Variants in PTPN13 observed in about 807,000 individuals in gnomAD.
PTPN13 encodes protein tyrosine phosphatase non-receptor type 13.
A neutral mutation model predicts 284.0 loss-of-function variants in PTPN13; 191 were observed. That is an observed-to-expected ratio of 0.67 (90% CI 0.60 to 0.76). PTPN13 has a LOEUF of 0.76. PTPN13 is among the 30% of genes least tolerant of loss of function. The pLI is 0.00. For synonymous variants in PTPN13, 986 were observed against 1,022.3 expected (o/e 0.96, Z 0.68); for missense variants, 2,797 against 2,939.9 (o/e 0.95, Z 1.12).
chr4:86,608,946 G>A (rs1194706231), intron 1 of PTPN13, among the ~76,000 whole-genome samples: 1 of 152,098 alleles, frequency 6.6e-6, no homozygotes, highest in Non-Finnish European at 1.5e-5. Flanking sequence ...CTTCTCCTTT[G>A]AATTGACTCT....
chr4:86,635,039 C>T (rs1045546786), intron 1 of PTPN13, among the ~76,000 whole-genome samples: 4 of 152,090 alleles, frequency 2.6e-5, no homozygotes, highest in Non-Finnish European at 5.9e-5. Context: ...TGAAGTTGAC[C>T]GTGTTGGGCT....
chr4:86,688,900 G>A (rs1329267056), intron 4 of PTPN13, 105 bp from the exon 5 acceptor site: 6 of 786,096 alleles, frequency 7.6e-6, no homozygotes, highest in Admixed American at 5.4e-5. Flanking sequence ...CCAAGTATGT[G>A]AAGTGTGTTT....
Position 86,771,152 on chromosome 4 carries a change from T to A in PTPN13, c.4804-19T>A, listed in dbSNP as rs115297737. ...ATTCATAGAATGGTCACAAATCTCT[T>A]TAAATGTGTCCATTACAGACCCCAC... is the stretch of plus-strand genomic sequence containing the variant. On this transcript the variant is annotated intron_variant, in intron 30 of 47. Transcript: ENST00000411767. The A allele has an allele frequency of 2.3e-3, 3,618 of 1,571,162 alleles. 14 individuals carry two copies. Among genetic ancestry groups the A allele is most frequent in the Non-Finnish European group, 2.9e-3 (3,351 of 1,158,916 alleles).
chr4:86,793,595 T>A (rs1301380477), intron 40 of PTPN13, among the ~76,000 whole-genome samples: 1 of 152,308 alleles, frequency 6.6e-6, no homozygotes, highest in Middle Eastern at 3.4e-3. Context: ...ATTGACCACA[T>A]AATTGGAAGT....
chr4:86,735,680 G>T lies in PTPN13; in HGVS notation c.2238G>T (p.Glu746Asp), dbSNP rs574853399. 1 of 1,613,492 alleles carries T rather than the reference G, an allele frequency of 6.2e-7. No individual in the cohort carries two copies. The highest frequency in any genetic ancestry group is 2.2e-5 in the East Asian group (1 of 44,836). The change falls in exon 15 of 48, where the codon GAG (glutamate) becomes GAT (aspartate). Residue 746 changes from glutamate (E) to aspartate (D), a missense_variant. Glu to Asp is a conservative substitution (Grantham distance 45). Coordinates refer to ENST00000411767, the MANE Select transcript of PTPN13 (RefSeq NM_080683.3). ...EKLDLSYIKEELPKLHNTYVG... is the reference protein window; with the variant it reads ...EKLDLSYIKEDLPKLHNTYVG... Reference sequence around the variant, plus strand: ...TTGATTTATCCTATATCAAAGAAGAGTTACCCAAATTGCATAATACCTATG... The same window carrying T: ...TTGATTTATCCTATATCAAAGAAGATTTACCCAAATTGCATAATACCTATG...
rs1295167363 is a variant in PTPN13, at chr4:86,638,882, G to A, written c.115+3511G>A. The stretch of plus-strand genomic sequence containing the variant: ...GCACAGCAAAAGAAACTACCATCAG[G>A]GTGAACAGGCAACCTACAGAATGGG... On this transcript the variant is annotated intron_variant, in intron 2 of 47. Coordinates refer to ENST00000411767, the MANE Select transcript of PTPN13 (RefSeq NM_080683.3). Among the ~76,000 whole-genome samples the A allele has an allele frequency of 3.9e-4, 60 of 151,964 alleles. 3 individuals are homozygous for A. The East Asian group carries it at 4.3e-3, about 11-fold the overall frequency.
At chr4:86,781,917 C>T (rs191397094) in intron 36 of PTPN13, among the ~76,000 whole-genome samples, 43 of 149,738 alleles carry the variant, frequency 2.9e-4, no homozygotes, top group South Asian at 2.5e-3. Context: ...GAGCCGAGAT[C>T]GCACCACTGC....
At chr4:86,814,127 C>T (rs1745542529) in intron 47 of PTPN13, among the ~76,000 whole-genome samples, 1 of 151,354 alleles carries the variant, frequency 6.6e-6, no homozygotes, top group Non-Finnish European at 1.5e-5. Context: ...CTGCCTCAGC[C>T]TCCCAAGTAG....
chr4:86,619,361 A>G (rs536972854), intron 1 of PTPN13, among the ~76,000 whole-genome samples: 2 of 152,342 alleles, frequency 1.3e-5, no homozygotes, highest in South Asian at 2.1e-4. Context: ...ATATTTGGAC[A>G]TTGTCAAAAA....
In PTPN13 at chr4:86,732,675, T is replaced by C. The variant is rs777537287; in HGVS notation, c.1767T>C (p.Asp589=). The C allele has an allele frequency of 1.5e-5, 24 of 1,613,596 alleles. No homozygotes were observed. The South Asian group carries it at 2.5e-4, about 17-fold the overall frequency. ...GGCAAAGACTGGAACTGACCTGTGA[T>C]ACCAAAACTATATGTAAAGATGTGT... is the stretch of plus-strand genomic sequence containing the variant. The part of the protein sequence containing the change: ...LNGQRLELTC[D]TKTICKDVFD... Residue 589 remains aspartate (D), a synonymous_variant, in exon 12 of 48, where the codon GAT becomes GAC. Coordinates refer to ENST00000411767, the MANE Select transcript of PTPN13 (RefSeq NM_080683.3).
At chr4:86,793,017 C>T (rs1031312976) in intron 40 of PTPN13, among the ~76,000 whole-genome samples, 3 of 151,872 alleles carry the variant, frequency 2.0e-5, no homozygotes, top group Non-Finnish European at 4.4e-5. Flanking sequence ...CAATATTAAC[C>T]GTAAGTGTGT....
intron 3 of PTPN13, among the ~76,000 whole-genome samples, chr4:86,680,839 A>G (rs1319930123): frequency 2.0e-5 from 3 of 152,200 alleles, no homozygotes; most frequent in African/African-American, 7.2e-5. Flanking sequence ...TTTGCATGGC[A>G]ATGCCTTTCT....
chr4:86,788,996 A>G (rs886413293), intron 40 of PTPN13, among the ~76,000 whole-genome samples: 2 of 152,198 alleles, frequency 1.3e-5, no homozygotes, highest in Admixed American at 1.3e-4. Flanking sequence ...AAGGTATTTG[A>G]TAGTTAAGCT....
At chr4:86,672,175 G>A (rs1156830642) in intron 2 of PTPN13, among the ~76,000 whole-genome samples, 190 bp from the exon 3 acceptor site, 1 of 152,178 alleles carries the variant, frequency 6.6e-6, no homozygotes, top group South Asian at 2.1e-4. Flanking sequence ...TGTTAATAAT[G>A]CTACCTGTTG....
At chr4:86,675,396 G>C (rs1473841274) in intron 3 of PTPN13, among the ~76,000 whole-genome samples, 1 of 152,120 alleles carries the variant, frequency 6.6e-6, no homozygotes, top group Non-Finnish European at 1.5e-5. Flanking sequence ...ACAGTATTCT[G>C]GTTTTAAAAT....
At chr4:86,753,116 A>G in intron 20 of PTPN13, 51 bp downstream of exon 20, 1 of 1,401,760 alleles carries the variant, frequency 7.1e-7, no homozygotes, top group Non-Finnish European at 1.0e-6. Flanking sequence ...CTTGTACCTT[A>G]CTGAGATAGT....
chr4:86,739,935 A>G (rs1001159724), intron 15 of PTPN13, among the ~76,000 whole-genome samples: 1 of 152,222 alleles, frequency 6.6e-6, no homozygotes, highest in Non-Finnish European at 1.5e-5. Context: ...TTAAAGCTGC[A>G]AAATGATCTC....
At chr4:86,790,902 C>T (rs192229308) in intron 40 of PTPN13, among the ~76,000 whole-genome samples, 128 of 152,230 alleles carry the variant, frequency 8.4e-4, no homozygotes, top group African/African-American at 3.0e-3. Flanking sequence ...GGAACAGCTC[C>T]AGTCTGCCAC....
chr4:86,764,151 TTGATATA>T (rs1182820614), intron 24 of PTPN13, among the ~76,000 whole-genome samples: 7 of 152,170 alleles, frequency 4.6e-5, no homozygotes, highest in African/African-American at 1.4e-4. Flanking sequence ...AAGCTACTGC[TTGATATA>T]TATTGATTAT....
Sources: gnomAD v4.1 joint callset for allele counts (sites outside exome capture counted in the v4.1 genomes callset) on GRCh38, gnomAD v4.1.1 for gene constraint, MANE v1.5 for transcripts, NCBI Gene and HGNC (gene_info 2026-07-23, HGNC 2026-07-21) for gene names.